Variants in FNTB observed in about 807,000 individuals in gnomAD.
The protein encoded by FNTB is protein farnesyltransferase subunit beta.
A neutral mutation model predicts 59.4 loss-of-function variants in FNTB; 27 were observed. The ratio of observed to expected loss-of-function variants is 0.45; its 90% CI spans 0.34 to 0.63. The LOEUF (loss-of-function observed/expected upper bound fraction) is 0.63, where lower values mean the gene tolerates loss of function less well. Among genes scored for constraint, FNTB ranks in the 20% least tolerant of loss-of-function variants. The probability of loss-of-function intolerance (pLI) is 0.02; values close to 1 mark genes in which losing one functional copy is unlikely to be tolerated. For synonymous variants in FNTB, 230 were observed against 220.7 expected (o/e 1.04, Z -0.37); for missense variants, 449 against 559.6 (o/e 0.80, Z 1.99).
Position 65,004,255 on chromosome 14 carries a change from G to A in FNTB, c.151G>A (p.Val51Ile). 1 of 1,613,542 alleles carries A rather than the reference G, an allele frequency of 6.2e-7. No individual in the cohort carries two copies. Among genetic ancestry groups the A allele is most frequent in the South Asian group, 1.1e-5 (1 of 90,998 alleles). Reference sequence around the variant, plus strand: ...TCTCCTGCATCCTTACCAGGCAAAAGTAGAAGAAAAGATCCAAGAGGTCTT... The same window carrying A: ...TCTCCTGCATCCTTACCAGGCAAAAATAGAAGAAAAGATCCAAGAGGTCTT... ...ETVTSIEQAK[V>I]EEKIQEVFSS... The change falls in exon 2 of 12, where the codon GTA becomes ATA. Residue 51 changes from valine (V) to isoleucine (I), a missense_variant. Physicochemically the swap from Val to Ile is conservative, Grantham distance 29. Coordinates refer to ENST00000246166, the MANE Select transcript of FNTB (RefSeq NM_002028.4).
intron 4 of FNTB, among the ~76,000 whole-genome samples, chr14:65,017,998 A>G (rs1403861810): frequency 1.3e-5 from 2 of 152,248 alleles, no homozygotes; most frequent in Admixed American, 6.5e-5. Flanking sequence ...AAAATAAAAC[A>G]TAAGTCATTT....
At chr14:65,040,159 G>T (rs2062312193) in intron 7 of FNTB, among the ~76,000 whole-genome samples, 1 of 152,004 alleles carries the variant, frequency 6.6e-6, no homozygotes, top group Non-Finnish European at 1.5e-5. Flanking sequence ...GTCAACCTAG[G>T]TAACAGAGTT....
rs1316162073 is a variant in FNTB at position 65,022,102 on chromosome 14, T to C, written c.375-5351T>C. 12 of 455,832 alleles carry C rather than the reference T, an allele frequency of 2.6e-5. No homozygotes were observed. In the East Asian group the frequency reaches 7.6e-4, roughly 29 times the overall value. 28.2% of individuals were successfully genotyped at this position (455,832 alleles called of 1,614,324 possible). A position where few individuals can be genotyped will look rare whatever the true frequency, so the allele number is the denominator to read the frequency against. ...GATGCTGCCCGTCTTCACCTGTCCATTGTCATATTCTACCTAGGGAAGGAG... is the reference window on the plus strand; with the variant it reads ...GATGCTGCCCGTCTTCACCTGTCCACTGTCATATTCTACCTAGGGAAGGAG... On this transcript the variant is annotated intron_variant, in intron 4 of 11. Coordinates refer to ENST00000246166, the MANE Select transcript of FNTB (RefSeq NM_002028.4).
rs1220373905 is a variant in FNTB, at chr14:65,011,739, G to A, written c.210-578G>A. ...CAGTATTGCTGACTTGAAAGCCAAG[G>A]ACAGCGACTGGCTGCAGAACACGGT... is the stretch of plus-strand genomic sequence containing the variant. On this transcript the variant is annotated intron_variant, in intron 2 of 11. Transcript: ENST00000246166. The surrounding 1 kb of genome is among the most constrained non-coding windows in gnomAD (Gnocchi z 4.0). 6.6e-6 allele frequency among the ~76,000 whole-genome samples: 1 copy of A among 152,228 alleles called. No homozygotes were observed. Among genetic ancestry groups the A allele is most frequent in the Non-Finnish European group, 1.5e-5 (1 of 68,048 alleles).
Position 65,032,711 on chromosome 14 carries a change from G to A in FNTB, c.692+15G>A, listed in dbSNP as rs1318210033. 6.2e-6 allele frequency: 10 copies of A among 1,612,012 alleles called. No homozygotes were observed. The highest frequency in any genetic ancestry group is 5.9e-6 in the Non-Finnish European group (7 of 1,179,472). On this transcript the variant is annotated intron_variant, in intron 7 of 11. Transcript: ENST00000246166. This position sits in a 1 kb window ranked among gnomAD's most constrained non-coding sequence, Gnocchi z 5.0. ...TGGATAGCAAGGTGAGAGAAGCCAG[G>A]GTTTCTCCTGGCCTCTTGGAGAGCA...
At position 65,030,139 on chromosome 14, in the gene FNTB, T is replaced by C. The variant is rs572020889; in HGVS notation, c.605+2358T>C. Among the ~76,000 whole-genome samples the C allele has an allele frequency of 1.1e-4, 17 of 152,250 alleles. No homozygotes were observed. Among genetic ancestry groups the C allele is most frequent in the Non-Finnish European group, 1.6e-4 (11 of 68,050 alleles). On this transcript the variant is annotated intron_variant, in intron 6 of 11. Transcript: ENST00000246166. This position sits in a 1 kb window ranked among gnomAD's most constrained non-coding sequence, Gnocchi z 4.5. Reference sequence around the variant, plus strand: ...CACTTGTGAGAGGCAAACTGTATTATAGGTCGCCTCCTACCTCACAAGTCA... The same window carrying C: ...CACTTGTGAGAGGCAAACTGTATTACAGGTCGCCTCCTACCTCACAAGTCA...
chr14:65,024,932 TGTTTG>T (rs899599674), intron 4 of FNTB, among the ~76,000 whole-genome samples: 1 of 152,174 alleles, frequency 6.6e-6, no homozygotes, highest in African/African-American at 2.4e-5. Flanking sequence ...TTTTTTTGTT[TGTTTG>T]TTTTTTTTAA....
In FNTB at chr14:65,011,299, C is replaced by T. The variant is rs531237595; in HGVS notation, c.210-1018C>T. ...CAAAAATTAGCTGGGTGTGGTGGCA[C>T]GTGCCTGTAATCCCAGCTACTCAGG... On this transcript the variant is annotated intron_variant, in intron 2 of 11. Transcript: ENST00000246166. This position sits in a 1 kb window ranked among gnomAD's most constrained non-coding sequence, Gnocchi z 4.0. Among the ~76,000 whole-genome samples the T allele has an allele frequency of 8.5e-5, 13 of 152,134 alleles. No individual in the cohort carries two copies. The highest frequency in any genetic ancestry group is 3.9e-4 in the East Asian group (2 of 5,174).
rs564814072 is a variant in FNTB, at chr14:65,003,965, A to G, written c.145-284A>G. The stretch of plus-strand genomic sequence containing the variant: ...GAGACATCTGTCTTCATCTGCTCCC[A>G]GAGTAACTGGTGCCAGGGAACCAAA... On this transcript the variant is annotated intron_variant, in intron 1 of 11. Coordinates refer to ENST00000246166, the MANE Select transcript of FNTB (RefSeq NM_002028.4). 4.6e-5 allele frequency among the ~76,000 whole-genome samples: 7 copies of G among 152,320 alleles called. No individual in the cohort carries two copies. In the East Asian group the frequency reaches 1.3e-3, roughly 29 times the overall value.
Position 65,029,791 on chromosome 14 carries a change from C to T in FNTB, c.605+2010C>T. ...GAGGCCCTGAAATCTCCTATGGAGT[C>T]TGGAGTTTAGTGATGTGATCTGATT... On this transcript the variant is annotated intron_variant, in intron 6 of 11. Transcript: ENST00000246166. This position sits in a 1 kb window ranked among gnomAD's most constrained non-coding sequence, Gnocchi z 4.7. 6.6e-6 allele frequency among the ~76,000 whole-genome samples: 1 copy of T among 152,086 alleles called. No individual in the cohort carries two copies. Among genetic ancestry groups the T allele is most frequent in the Admixed American group, 6.6e-5 (1 of 15,266 alleles).
intron 4 of FNTB, chr14:65,021,906 A>G (rs1248291818): frequency 2.2e-6 from 1 of 455,784 alleles, no homozygotes; most frequent in Non-Finnish European, 4.4e-6. Context: ...TCGGCCTCCC[A>G]AAGTGCTAGG....
chr14:64,993,178 C>A (rs943835562), intron 1 of FNTB, among the ~76,000 whole-genome samples: 1 of 152,184 alleles, frequency 6.6e-6, no homozygotes, highest in South Asian at 2.1e-4. Flanking sequence ...GCCTGTAATC[C>A]TGGCACTTTG....
rs1888130603 is a variant in FNTB at position 64,990,033 on chromosome 14, C to G, written c.144+2936C>G. Among the ~76,000 whole-genome samples, 1 of 152,022 alleles carries G rather than the reference C, an allele frequency of 6.6e-6. No homozygotes were observed. The highest frequency in any genetic ancestry group is 2.1e-4 in the South Asian group (1 of 4,822). ...CTGAAGTCTCAGATGAGGGAGGAAG[C>G]CATCATGGATCTGGTGCAAGAGTAT... On this transcript the variant is annotated intron_variant, in intron 1 of 11. Coordinates refer to ENST00000246166, the MANE Select transcript of FNTB (RefSeq NM_002028.4). The surrounding 1 kb of genome is among the most constrained non-coding windows in gnomAD (Gnocchi z 5.2).
chr14:65,044,685 A>G lies in FNTB; in HGVS notation c.955+242A>G, dbSNP rs2062435521. ...CTGCGACAGAATGAGCTTCCTTGAA[A>G]TTGCTACGGGGAGCGGGGAGGAAGT... On this transcript the variant is annotated intron_variant, in intron 9 of 11. Coordinates refer to ENST00000246166, the MANE Select transcript of FNTB (RefSeq NM_002028.4). This position sits in a 1 kb window ranked among gnomAD's most constrained non-coding sequence, Gnocchi z 5.5. The G allele has an allele frequency of 1.7e-6, 1 of 590,804 alleles. No individual in the cohort carries two copies. 36.6% of individuals were successfully genotyped at this position (590,804 alleles called of 1,614,324 possible). A position where few individuals can be genotyped will look rare whatever the true frequency, so the allele number is the denominator to read the frequency against.
chr14:65,049,083 C>T (rs1234264733), intron 9 of FNTB, among the ~76,000 whole-genome samples: 6 of 150,432 alleles, frequency 4.0e-5, no homozygotes, highest in East Asian at 2.0e-4. Flanking sequence ...GCTGAGATCG[C>T]GCCGTTGCAC....
At chr14:65,037,402 C>CTTTTTTTTTTTTTTTTTTTT (rs765037575) in intron 7 of FNTB, among the ~76,000 whole-genome samples, 9 of 14,534 alleles carry the variant, frequency 6.2e-4, no homozygotes, top group Non-Finnish European at 9.7e-4. Flanking sequence ...CACGCCGGGC[C>CTTTTTTTTTTTTTTTTTTTT]CTTTTTTTTT....
chr14:65,053,382 AG>A, intron 10 of FNTB, 33 bp downstream of exon 10: 1 of 1,381,750 alleles, frequency 7.2e-7, no homozygotes, highest in South Asian at 1.9e-5. Context: ...GGGAAGGGAG[AG>A]GGGAGGAGAG....
At chr14:65,059,209 G>C (rs1261373313) in intron 11 of FNTB, among the ~76,000 whole-genome samples, 1 of 152,082 alleles carries the variant, frequency 6.6e-6, no homozygotes, top group African/African-American at 2.4e-5. Context: ...TTTTTGTAGA[G>C]ACAGGGTTTT....
chr14:65,037,402 CCTT>C (rs2062219233), intron 7 of FNTB, among the ~76,000 whole-genome samples: 309 of 14,534 alleles, frequency 0.021, 140 homozygotes, highest in South Asian at 0.079. Flanking sequence ...CACGCCGGGC[CCTT>C]TTTTTTTTTT....
Sources: allele counts gnomAD v4.1 joint callset (sites outside exome capture counted in the v4.1 genomes callset), GRCh38; gene constraint gnomAD v4.1.1; non-coding constraint Gnocchi (gnomAD v3.1); transcripts MANE v1.5; gene names NCBI Gene and HGNC (gene_info 2026-07-23, HGNC 2026-07-21).